Variants in DCC observed in about 807,000 individuals in gnomAD.
DCC encodes the protein netrin receptor DCC.
DCC carries 58 observed loss-of-function variants against 172.5 expected under a neutral mutation model. That is an observed-to-expected ratio of 0.34 (90% CI 0.27 to 0.42). The LOEUF is 0.42. Among genes scored for constraint, DCC ranks in the 10% least tolerant of loss-of-function variants. The pLI, the probability that DCC is intolerant of heterozygous loss-of-function variation, is 1.00. For synonymous variants in DCC, 709 were observed against 644.5 expected (o/e 1.10, Z -1.52); for missense variants, 1,740 against 1,791.0 (o/e 0.97, Z 0.51).
At chr18:52,979,025 C>A (rs1354750241) in intron 5 of DCC, among the ~76,000 whole-genome samples, 1 of 151,976 alleles carries the variant, frequency 6.6e-6, no homozygotes, top group Non-Finnish European at 1.5e-5. Flanking sequence ...TAATAACATG[C>A]AGGTACCTTT....
At chr18:53,446,373 C>T (rs1335438974) in intron 22 of DCC, among the ~76,000 whole-genome samples, 2 of 152,180 alleles carry the variant, frequency 1.3e-5, no homozygotes, top group Non-Finnish European at 2.9e-5. Context: ...TGTGGTGCAA[C>T]TATTATCTCA....
At chr18:52,798,557 T>A (rs532744034) in intron 2 of DCC, among the ~76,000 whole-genome samples, 6,486 of 151,920 alleles carry the variant, frequency 0.043, 212 homozygotes, top group South Asian at 0.16. Flanking sequence ...TGTTAAAAAA[T>A]AAAAATCCAA....
At chr18:52,732,799 A>C (rs561992456) in intron 1 of DCC, among the ~76,000 whole-genome samples, 2 of 152,280 alleles carry the variant, frequency 1.3e-5, no homozygotes, top group Admixed American at 1.3e-4. Flanking sequence ...AGGTAGTTGG[A>C]AATTAAATCA....
chr18:53,073,713 A>C (rs1406836991), intron 7 of DCC, among the ~76,000 whole-genome samples: 1 of 151,980 alleles, frequency 6.6e-6, no homozygotes, highest in Non-Finnish European at 1.5e-5. Context: ...ATTACAAATG[A>C]TGTTGAATTT....
chr18:52,591,787 CT>C (rs370150482), intron 1 of DCC, among the ~76,000 whole-genome samples: 1,286 of 125,086 alleles, frequency 0.01, 6 homozygotes, highest in South Asian at 0.027. Flanking sequence ...TTATTTATTT[CT>C]TTTTTTTTTT....
At chr18:53,401,655 T>C (rs1909303586) in intron 18 of DCC, among the ~76,000 whole-genome samples, 1 of 138,392 alleles carries the variant, frequency 7.2e-6, no homozygotes, top group African/African-American at 2.5e-5. Flanking sequence ...AATTTTTATG[T>C]GGAGACCAGG....
At chr18:52,792,769 T>TTCCATTCCATTCC (rs368199512) in intron 2 of DCC, among the ~76,000 whole-genome samples, 14 of 134,476 alleles carry the variant, frequency 1.0e-4, no homozygotes, top group Admixed American at 5.6e-4. Context: ...TATTCCATTC[T>TTCCATTCCATTCC]ATTCCATTCC....
chr18:53,268,558 A>G (rs1036968841), intron 12 of DCC, among the ~76,000 whole-genome samples: 3 of 152,038 alleles, frequency 2.0e-5, no homozygotes, highest in Non-Finnish European at 2.9e-5. Context: ...TCAGCCTTCA[A>G]TTTTCTCATT....
At chr18:52,736,897 C>T (rs1167368865) in intron 1 of DCC, among the ~76,000 whole-genome samples, 2 of 152,212 alleles carry the variant, frequency 1.3e-5, no homozygotes, top group East Asian at 3.9e-4. Flanking sequence ...TATGGGGGAA[C>T]CCACATTTGA....
chr18:53,248,343 G>C (rs57439860), intron 12 of DCC, among the ~76,000 whole-genome samples: 6,430 of 152,046 alleles, frequency 0.042, 416 homozygotes, highest in African/African-American at 0.14. Context: ...GAATGGTCCT[G>C]TGGGCATACT....
chr18:52,589,051 G>A (rs750893246), intron 1 of DCC, among the ~76,000 whole-genome samples: 12 of 152,130 alleles, frequency 7.9e-5, no homozygotes, highest in Non-Finnish European at 1.6e-4. Flanking sequence ...GCCCATAGAA[G>A]GAACAGGACA....
chr18:52,892,841 A>G (rs2063613793), intron 2 of DCC, among the ~76,000 whole-genome samples: 1 of 152,140 alleles, frequency 6.6e-6, no homozygotes, highest in Admixed American at 6.6e-5. Context: ...CAGTATGAAA[A>G]TGCATTTTAT....
At chr18:52,680,233 G>A (rs1293280182) in intron 1 of DCC, among the ~76,000 whole-genome samples, 1 of 152,062 alleles carries the variant, frequency 6.6e-6, no homozygotes, top group South Asian at 2.1e-4. Context: ...CTTTTAAGCA[G>A]AGCATAGCGA....
intron 1 of DCC, among the ~76,000 whole-genome samples, chr18:52,602,419 G>GTGTGTGTGTGTT (rs2034035689): frequency 6.6e-6 from 1 of 151,792 alleles, no homozygotes; most frequent in Admixed American, 6.6e-5. Flanking sequence ...GTGTGTGTGT[G>GTGTGTGTGTGTT]TGTGATTCAA....
Position 52,610,659 on chromosome 18 carries a change from C to A in DCC, c.92-141395C>A, listed in dbSNP as rs184403875. Among the ~76,000 whole-genome samples, 266 of 152,110 alleles carry A rather than the reference C, an allele frequency of 1.7e-3. 1 individual carries two copies. Among genetic ancestry groups the A allele is most frequent in the African/African-American group, 6.1e-3 (254 of 41,512 alleles). ...CTAAAGGATCAGAAGTAAATATTTT[C>A]GGCTTTGTGAGTCATGCCGCTTTGG... On this transcript the variant is annotated intron_variant, in intron 1 of 28. Transcript: ENST00000442544.
intron 2 of DCC, among the ~76,000 whole-genome samples, chr18:52,866,719 C>A (rs564188137): frequency 6.6e-6 from 1 of 152,194 alleles, no homozygotes; most frequent in South Asian, 2.1e-4. Context: ...TTATGATTTT[C>A]GCACATTGAT....
chr18:53,032,465 C>T (rs2042038320), intron 5 of DCC, among the ~76,000 whole-genome samples: 1 of 152,090 alleles, frequency 6.6e-6, no homozygotes, highest in South Asian at 2.1e-4. Flanking sequence ...ACATATTTTG[C>T]ATGCATAGCA....
At chr18:52,550,578 AC>A (rs2032742338) in intron 1 of DCC, among the ~76,000 whole-genome samples, 1 of 151,838 alleles carries the variant, frequency 6.6e-6, no homozygotes, top group African/African-American at 2.4e-5. Flanking sequence ...CTGCCCCCTG[AC>A]ACACACACCA....
At chr18:53,208,667 A>G (rs1357044407) in intron 11 of DCC, among the ~76,000 whole-genome samples, 1 of 152,188 alleles carries the variant, frequency 6.6e-6, no homozygotes, top group Non-Finnish European at 1.5e-5. Flanking sequence ...CATTTGAGAC[A>G]AGAAGTGCAG....
Sources: gnomAD v4.1 joint callset for allele counts (sites outside exome capture counted in the v4.1 genomes callset) on GRCh38, gnomAD v4.1.1 for gene constraint, MANE v1.5 for transcripts, NCBI Gene and HGNC (gene_info 2026-07-23, HGNC 2026-07-21) for gene names.